CDH7: variants seen among roughly 807,000 people sequenced by gnomAD.
CDH7 encodes cadherin 7.
CDH7 carries 25 observed loss-of-function variants against 71.8 expected under a neutral mutation model. That is an observed-to-expected ratio of 0.35 (90% CI 0.25 to 0.49). The LOEUF is 0.49. CDH7 is among the 20% of genes least tolerant of loss of function. The pLI is 0.99. For synonymous variants in CDH7, 381 were observed against 363.8 expected (o/e 1.05, Z -0.54); for missense variants, 862 against 974.6 (o/e 0.88, Z 1.54).
intron 6 of CDH7, among the ~76,000 whole-genome samples, chr18:65,840,591 G>T (rs533584977): frequency 5.3e-5 from 8 of 152,208 alleles, no homozygotes; most frequent in Admixed American, 2.0e-4. Context: ...TGCTCTTGTG[G>T]TAGTGAATAT....
chr18:65,807,612 G>A (rs1276182725), intron 2 of CDH7, among the ~76,000 whole-genome samples: 1 of 152,222 alleles, frequency 6.6e-6, no homozygotes, highest in Admixed American at 6.5e-5. Context: ...GAGCACAGAT[G>A]AGGGTGAGGG....
rs771679769 is a variant in CDH7, at chr18:65,862,838, T to A, written c.1785T>A (p.Asn595Lys). The A allele has an allele frequency of 3.1e-6, 5 of 1,614,020 alleles. No individual in the cohort carries two copies. The South Asian group carries it at 5.5e-5, about 18-fold the overall frequency. Residue 595 changes from asparagine to lysine, a missense_variant, in exon 11 of 12, where the codon AAT becomes AAA. Transcript: ENST00000397968. ...CDADGVAQTCNAEAYVLPAGL... is the reference protein window; with the variant it reads ...CDADGVAQTCKAEAYVLPAGL... The stretch of plus-strand genomic sequence containing the variant: ...CTGACGGCGTAGCCCAGACCTGCAA[T>A]GCAGAGGCCTATGTCCTACCTGCTG...
chr18:65,852,376 C>T (rs1487625993), intron 7 of CDH7, among the ~76,000 whole-genome samples: 1 of 152,100 alleles, frequency 6.6e-6, no homozygotes, highest in Non-Finnish European at 1.5e-5. Flanking sequence ...AGCAGCAAAG[C>T]TTAACACTAA....
At chr18:65,791,080 TATG>T (rs1420151574) in intron 2 of CDH7, among the ~76,000 whole-genome samples, 1 of 152,236 alleles carries the variant, frequency 6.6e-6, no homozygotes, top group Non-Finnish European at 1.5e-5. Context: ...TATTTTTACT[TATG>T]AGGCAACTTT....
At chr18:65,761,077 CTGGATT>C (rs1163599309) in intron 1 of CDH7, among the ~76,000 whole-genome samples, 1 of 152,090 alleles carries the variant, frequency 6.6e-6, no homozygotes, top group Non-Finnish European at 1.5e-5. Flanking sequence ...GATAGGGTAT[CTGGATT>C]TGGGTAGATT....
chr18:65,858,238 T>C (rs558228607), intron 8 of CDH7, among the ~76,000 whole-genome samples: 1 of 152,268 alleles, frequency 6.6e-6, no homozygotes, highest in Admixed American at 6.5e-5. Flanking sequence ...GTTTATGCTG[T>C]TATGGAGTTA....
At chr18:65,778,915 C>G (rs1438402478) in intron 2 of CDH7, among the ~76,000 whole-genome samples, 1 of 152,050 alleles carries the variant, frequency 6.6e-6, no homozygotes, top group Non-Finnish European at 1.5e-5. Context: ...ATAGATTCTC[C>G]AGAAACTATT....
At chr18:65,844,428 A>G (rs1460355201) in intron 7 of CDH7, among the ~76,000 whole-genome samples, 1 of 151,954 alleles carries the variant, frequency 6.6e-6, no homozygotes, top group Non-Finnish European at 1.5e-5. Context: ...TGTTAGAAAA[A>G]TAATTGTATC....
intron 2 of CDH7, among the ~76,000 whole-genome samples, chr18:65,767,150 A>G (rs765448019): frequency 4.1e-5 from 6 of 144,620 alleles, no homozygotes; most frequent in African/African-American, 1.6e-4. Context: ...GAAAGTTTAT[A>G]CCTATTACCC....
At chr18:65,820,786 A>G (rs1290365528) in intron 4 of CDH7, among the ~76,000 whole-genome samples, 4 of 152,130 alleles carry the variant, frequency 2.6e-5, no homozygotes, top group Admixed American at 2.0e-4. Flanking sequence ...TAACGATGCT[A>G]TATGTCCTTT....
rs149042026 is a variant in CDH7 at position 65,813,193 on chromosome 18, A to C, written c.506-1292A>C. On this transcript the variant is annotated intron_variant, in intron 3 of 11. Transcript: ENST00000397968. ...ATTAAAAATACAAAATTAGCTGGGC[A>C]TGGTGGCGCATGCCTGTAATCCCAG... Among the ~76,000 whole-genome samples the C allele has an allele frequency of 7.3e-3, 1,107 of 152,276 alleles. 15 individuals are homozygous for C. The highest frequency in any genetic ancestry group is 0.025 in the African/African-American group (1,032 of 41,566).
intron 2 of CDH7, among the ~76,000 whole-genome samples, chr18:65,783,026 T>G (rs1487829557): frequency 1.3e-5 from 2 of 152,230 alleles, no homozygotes; most frequent in African/African-American, 4.8e-5. Flanking sequence ...GGGGTGTTGC[T>G]TTCTTCAACC....
chr18:65,805,756 T>C (rs1911294089), intron 2 of CDH7, among the ~76,000 whole-genome samples: 2 of 152,238 alleles, frequency 1.3e-5, no homozygotes, highest in Non-Finnish European at 2.9e-5. Flanking sequence ...TGTGCAAATA[T>C]GAGATATTAT....
At chr18:65,795,344 T>A (rs1910874293) in intron 2 of CDH7, among the ~76,000 whole-genome samples, 1 of 152,174 alleles carries the variant, frequency 6.6e-6, no homozygotes, top group African/African-American at 2.4e-5. Flanking sequence ...GGAAGCAACA[T>A]TGATAATAGG....
intron 7 of CDH7, among the ~76,000 whole-genome samples, chr18:65,846,037 T>A (rs900553716): frequency 2.2e-4 from 33 of 152,158 alleles, no homozygotes; most frequent in Non-Finnish European, 2.9e-5. Context: ...ACCCACTCCC[T>A]TGTTGTCATT....
intron 5 of CDH7, among the ~76,000 whole-genome samples, chr18:65,822,563 ACT>A (rs10579603): frequency 0.69 from 99,422 of 144,982 alleles, 33,980 homozygotes; most frequent in East Asian, 0.97. Context: ...TCTAAGAATT[ACT>A]CTTTTTATAT....
Position 65,783,967 on chromosome 18 carries a change from T to G in CDH7, c.210+20915T>G, listed in dbSNP as rs1033446046. ...ATTTTTATTTTATTTATTTATTTAT[T>G]TATTTGAGACAGAGTCAGGCTCTGT... is the stretch of plus-strand genomic sequence containing the variant. On this transcript the variant is annotated intron_variant, in intron 2 of 11. Transcript: ENST00000397968. 6.6e-5 allele frequency among the ~76,000 whole-genome samples: 10 copies of G among 152,152 alleles called. No homozygotes were observed. The South Asian group carries it at 1.0e-3, about 16-fold the overall frequency.
At chr18:65,879,520 T>G (rs1914159772) in intron 11 of CDH7, among the ~76,000 whole-genome samples, 1 of 152,204 alleles carries the variant, frequency 6.6e-6, no homozygotes, top group African/African-American at 2.4e-5. Flanking sequence ...TGAAATCAAA[T>G]GTATTCCCAA....
chr18:65,843,878 C>G lies in CDH7; in HGVS notation c.1048C>G (p.Pro350Ala). 2 of 1,583,506 alleles carry G rather than the reference C, an allele frequency of 1.3e-6. No homozygotes were observed. The highest frequency in any genetic ancestry group is 1.7e-6 in the Non-Finnish European group (2 of 1,161,376). ...RIEAANKDAD[P>A]RFLSLGPFSD... is the part of the protein sequence containing the mutation. ...AGAAGCTGCAAATAAAGATGCCGAC[C>G]CTCGCTTTCTGAGCTTGGGTCCGTT... Residue 350 changes from proline to alanine, a missense_variant, in exon 7 of 12, where the codon CCT (proline) becomes GCT (alanine). Coordinates refer to ENST00000397968, the MANE Select transcript of CDH7 (RefSeq NM_004361.5).
Sources: allele counts gnomAD v4.1 joint callset (sites outside exome capture counted in the v4.1 genomes callset), GRCh38; gene constraint gnomAD v4.1.1; transcripts MANE v1.5; gene names NCBI Gene and HGNC (gene_info 2026-07-23, HGNC 2026-07-21).